MGAT4C: variants seen among roughly 807,000 people sequenced by gnomAD.
The protein encoded by MGAT4C is alpha-1,3-mannosyl-glycoprotein 4-beta-N-acetylglucosaminyltransferase C.
In MGAT4C, 19 loss-of-function variants were observed where a neutral mutation model predicts 40.1. The ratio of observed to expected loss-of-function variants is 0.47; its 90% CI spans 0.33 to 0.70. The LOEUF is 0.70. MGAT4C is among the 30% of genes least tolerant of loss of function. MGAT4C has a pLI of 0.02. For missense variants in MGAT4C, 491 were observed against 563.2 expected (o/e 0.87, Z 1.30); for synonymous variants, 181 against 187.1 (o/e 0.97, Z 0.27).
At chr12:86,178,357 T>C (rs1370145267) in intron 1 of MGAT4C, among the ~76,000 whole-genome samples, 2 of 152,228 alleles carry the variant, frequency 1.3e-5, no homozygotes, top group African/African-American at 2.4e-5. Context: ...GCATAGAGCA[T>C]ATTGGCTGGG....
intron 1 of MGAT4C, among the ~76,000 whole-genome samples, chr12:86,828,319 T>A (rs1360610850): frequency 6.6e-6 from 1 of 151,206 alleles, no homozygotes; most frequent in Non-Finnish European, 1.5e-5. Context: ...ATATTTTTAC[T>A]CCGAGATATG....
At chr12:86,080,677 G>C (rs1453712651) in intron 1 of MGAT4C, among the ~76,000 whole-genome samples, 2 of 152,084 alleles carry the variant, frequency 1.3e-5, no homozygotes, top group Admixed American at 6.6e-5. Context: ...CATGTCTAGT[G>C]CTGTAACAAT....
At chr12:86,418,085 A>G (rs1382969219) in intron 3 of MGAT4C, among the ~76,000 whole-genome samples, 1 of 152,152 alleles carries the variant, frequency 6.6e-6, no homozygotes, top group Non-Finnish European at 1.5e-5. Flanking sequence ...CAAAGAATGT[A>G]CATTCTTTGC....
chr12:86,445,453 C>T (rs545139046), intron 2 of MGAT4C, among the ~76,000 whole-genome samples: 66 of 152,044 alleles, frequency 4.3e-4, no homozygotes, highest in Non-Finnish European at 5.0e-4. Context: ...CTGAAAGAAC[C>T]GGAAATTAGC....
chr12:86,394,884 G>T (rs1337184056), intron 3 of MGAT4C, among the ~76,000 whole-genome samples: 1 of 151,570 alleles, frequency 6.6e-6, no homozygotes, highest in Non-Finnish European at 1.5e-5. Context: ...CCAAAGTGCT[G>T]GGAATACAGG....
At chr12:86,191,669 A>G (rs951504351) in intron 1 of MGAT4C, among the ~76,000 whole-genome samples, 12 of 136,550 alleles carry the variant, frequency 8.8e-5, no homozygotes, top group Admixed American at 8.6e-4. Context: ...ACACACACAC[A>G]CACACCCTTA....
intron 4 of MGAT4C, among the ~76,000 whole-genome samples, chr12:86,299,112 T>C (rs1953749555): frequency 6.6e-6 from 1 of 151,994 alleles, no homozygotes; most frequent in Non-Finnish European, 1.5e-5. Context: ...TCAGTAAATT[T>C]ATTTATTTAT....
chr12:86,393,652 A>C (rs529568770), intron 3 of MGAT4C, among the ~76,000 whole-genome samples: 1 of 152,324 alleles, frequency 6.6e-6, no homozygotes, highest in Admixed American at 6.5e-5. Flanking sequence ...CCTGATAAGT[A>C]AAAATTGAAT....
chr12:85,964,583 T>A lies in MGAT4C; in HGVS notation c.*14706A>T, dbSNP rs144041505. On this transcript the variant is annotated 3_prime_UTR_variant, in exon 5 of 5. Transcript: ENST00000611864. ...AATACATCATGTTTACTGGTAAAGA[T>A]AACATTATTTAAGGAAGGTAAGATA... The A allele has an allele frequency of 6.6e-6, 1 of 152,222 alleles. No homozygotes were observed. The highest frequency in any genetic ancestry group is 2.4e-5 in the African/African-American group (1 of 41,554). The allele number at this position is 152,222 out of a possible 1,614,324, so 9.4% of individuals were successfully genotyped here.
At chr12:86,798,908 C>G (rs562883920) in intron 1 of MGAT4C, among the ~76,000 whole-genome samples, 2 of 151,770 alleles carry the variant, frequency 1.3e-5, no homozygotes, top group East Asian at 3.9e-4. Flanking sequence ...GTAAGAGTTG[C>G]CATGTCTTAA....
chr12:86,216,453 G>T (rs1047519729), intron 1 of MGAT4C, among the ~76,000 whole-genome samples: 2 of 152,122 alleles, frequency 1.3e-5, no homozygotes, highest in African/African-American at 2.4e-5. Context: ...TGTTCCATTG[G>T]CCAGTAAAAC....
chr12:86,482,232 T>G (rs1464607334), intron 2 of MGAT4C, among the ~76,000 whole-genome samples: 1 of 152,012 alleles, frequency 6.6e-6, no homozygotes, highest in Non-Finnish European at 1.5e-5. Context: ...AGAACAACAC[T>G]ACACTATTTT....
chr12:86,538,205 G>A (rs779137087), intron 2 of MGAT4C, among the ~76,000 whole-genome samples: 1 of 152,228 alleles, frequency 6.6e-6, no homozygotes, highest in Non-Finnish European at 1.5e-5. Context: ...GATATGATTA[G>A]GGAACTGGCC....
chr12:86,034,675 A>T (rs1375575660), intron 2 of MGAT4C, among the ~76,000 whole-genome samples: 2 of 148,742 alleles, frequency 1.3e-5, no homozygotes, highest in Non-Finnish European at 3.0e-5. Context: ...GGTTTGCTGA[A>T]CCCATCAACC....
rs1477160436 is a variant in MGAT4C, at chr12:85,965,448, T to A, written c.*13841A>T. Reference sequence around the variant, plus strand: ...CCGTCTCTACTAAAAATACAAAAAATTAGCCGGGCGTGGTGGCGGGCGCCT... The same window carrying A: ...CCGTCTCTACTAAAAATACAAAAAAATAGCCGGGCGTGGTGGCGGGCGCCT... On this transcript the variant is annotated 3_prime_UTR_variant, in exon 5 of 5. Transcript: ENST00000611864. 1 of 151,622 alleles carries A rather than the reference T, an allele frequency of 6.6e-6. No individual in the cohort carries two copies. Among genetic ancestry groups the A allele is most frequent in the Admixed American group, 6.6e-5 (1 of 15,220 alleles). 9.4% of individuals were successfully genotyped at this position (151,622 alleles called of 1,614,324 possible).
chr12:86,178,542 T>G (rs1039352999), intron 1 of MGAT4C, among the ~76,000 whole-genome samples: 1 of 152,188 alleles, frequency 6.6e-6, no homozygotes, highest in Admixed American at 6.5e-5. Flanking sequence ...ACATTTTTAT[T>G]GTTACTAGTT....
intron 2 of MGAT4C, among the ~76,000 whole-genome samples, chr12:86,497,916 ACG>A (rs1487495862): frequency 6.8e-4 from 91 of 134,418 alleles, no homozygotes; most frequent in East Asian, 2.3e-3. Context: ...ATATATATAT[ACG>A]CACACACACA....
intron 4 of MGAT4C, among the ~76,000 whole-genome samples, chr12:85,981,956 C>T (rs1884647486): frequency 6.6e-6 from 1 of 151,848 alleles, no homozygotes; most frequent in Non-Finnish European, 1.5e-5. Context: ...CAGTCTTAGA[C>T]AATTAGAAAG....
intron 1 of MGAT4C, among the ~76,000 whole-genome samples, chr12:86,208,903 A>T (rs953514485): frequency 6.6e-6 from 1 of 152,146 alleles, no homozygotes; most frequent in African/African-American, 2.4e-5. Context: ...ATAAACTCAA[A>T]AAGGACCTAT....
Sources: allele counts gnomAD v4.1 joint callset (sites outside exome capture counted in the v4.1 genomes callset), GRCh38; gene constraint gnomAD v4.1.1; transcripts MANE v1.5; gene names NCBI Gene and HGNC (gene_info 2026-07-23, HGNC 2026-07-21).